Variants in PTK2 observed in about 807,000 individuals in gnomAD.
The protein encoded by PTK2 is protein tyrosine kinase 2.
Under a neutral mutation model 150.1 loss-of-function variants are expected in PTK2, and 45 were observed. That is an observed-to-expected ratio of 0.30 (90% confidence interval 0.24 to 0.38). The LOEUF is 0.38. Ranked by LOEUF, PTK2 falls within the 10% of genes least tolerant of loss-of-function variation. The pLI is 1.00. For missense variants in PTK2, 919 were observed against 1,307.3 expected (o/e 0.70, Z 4.58); for synonymous variants, 432 against 449.2 (o/e 0.96, Z 0.48).
chr8:140,938,660 C>T (rs901160836), intron 1 of PTK2, among the ~76,000 whole-genome samples: 2 of 152,188 alleles, frequency 1.3e-5, no homozygotes, highest in Non-Finnish European at 2.9e-5. Context: ...TGGTACAAAA[C>T]AAAGAGCTTC....
intron 1 of PTK2, among the ~76,000 whole-genome samples, chr8:141,000,015 GAA>G (rs36146347): frequency 3.7e-4 from 46 of 124,912 alleles, no homozygotes; most frequent in South Asian, 7.5e-4. Context: ...AAATGACTCG[GAA>G]AAAAAAAAAA....
intron 1 of PTK2, among the ~76,000 whole-genome samples, chr8:140,993,364 C>T (rs1400160112): frequency 6.6e-6 from 1 of 152,150 alleles, no homozygotes; most frequent in African/African-American, 2.4e-5. Flanking sequence ...AAACAGTAAA[C>T]ACCTGGCTGA....
chr8:140,745,141 A>G (rs939496270), intron 18 of PTK2, among the ~76,000 whole-genome samples: 6 of 152,246 alleles, frequency 3.9e-5, no homozygotes, highest in African/African-American at 1.4e-4. Context: ...ATACACAGTC[A>G]GTTATCTCCA....
intron 1 of PTK2, among the ~76,000 whole-genome samples, chr8:140,952,847 A>G (rs1048121453): frequency 1.3e-5 from 2 of 152,216 alleles, no homozygotes; most frequent in African/African-American, 4.8e-5. Flanking sequence ...ACATGCACCA[A>G]GATCTACAAG....
chr8:140,763,321 A>G (rs1472615765), intron 15 of PTK2, among the ~76,000 whole-genome samples: 5 of 152,222 alleles, frequency 3.3e-5, no homozygotes, highest in African/African-American at 1.2e-4. Context: ...GAATATTTAT[A>G]CTATAGAATA....
At chr8:140,732,491 T>G in intron 22 of PTK2, 1 of 509,398 alleles carries the variant, frequency 2.0e-6, no homozygotes, top group South Asian at 1.5e-5. Context: ...TTCTAAGCCT[T>G]GAATTCAGTG....
At chr8:140,920,404 T>C (rs561575542) in intron 2 of PTK2, among the ~76,000 whole-genome samples, 5 of 152,296 alleles carry the variant, frequency 3.3e-5, no homozygotes, top group Non-Finnish European at 7.4e-5. Context: ...ATACAATCTT[T>C]ACAGTGAGTA....
rs377253964 is a variant in PTK2 at position 140,744,225 on chromosome 8, T to G, written c.1634+427A>C. Among the ~76,000 whole-genome samples, 6 of 152,174 alleles carry G rather than the reference T, an allele frequency of 3.9e-5. No homozygotes were observed. In the East Asian group the frequency reaches 7.7e-4, roughly 20 times the overall value. Reference sequence around the variant, plus strand: ...GGCTATAAACAGAAATTCCACAGAATGCCAACAGATGTCACTCATAAGGTT... The same window carrying G: ...GGCTATAAACAGAAATTCCACAGAAGGCCAACAGATGTCACTCATAAGGTT... On this transcript the variant is annotated intron_variant, in intron 19 of 31. Transcript: ENST00000522684.
chr8:140,962,916 CT>C (rs2100183878), intron 1 of PTK2, among the ~76,000 whole-genome samples: 1 of 151,904 alleles, frequency 6.6e-6, no homozygotes, highest in South Asian at 2.1e-4. Flanking sequence ...TCTGCTTGCC[CT>C]TTAAGTGCTC....
chr8:140,703,804 C>A (rs2100032139), intron 24 of PTK2, among the ~76,000 whole-genome samples: 1 of 152,142 alleles, frequency 6.6e-6, no homozygotes, highest in African/African-American at 2.4e-5. Flanking sequence ...TTCTCTCAAT[C>A]AAGAGAAAGA....
intron 22 of PTK2, among the ~76,000 whole-genome samples, chr8:140,723,074 T>A (rs775506242): frequency 4.6e-5 from 7 of 152,194 alleles, no homozygotes; most frequent in Non-Finnish European, 1.5e-5. Flanking sequence ...TCAGGCTCCA[T>A]CTGCCCTGAT....
At chr8:140,806,943 G>A (rs1161171647) in intron 10 of PTK2, among the ~76,000 whole-genome samples, 1 of 152,126 alleles carries the variant, frequency 6.6e-6, no homozygotes, top group African/African-American at 2.4e-5. Context: ...CCCTACTATA[G>A]CCCTTTAGCA....
At chr8:140,871,734 T>C (rs555254331) in intron 4 of PTK2, among the ~76,000 whole-genome samples, 7 of 152,238 alleles carry the variant, frequency 4.6e-5, no homozygotes, top group African/African-American at 1.4e-4. Context: ...TAAAAATTAG[T>C]TGAGTGTGAT....
chr8:140,686,933 G>A (rs2100020267), intron 26 of PTK2: 1 of 496,478 alleles, frequency 2.0e-6, no homozygotes, highest in African/African-American at 1.9e-5. Flanking sequence ...GGCCCACCCA[G>A]TGCTGGAGAA....
At chr8:140,764,369 A>C (rs777840369) in intron 14 of PTK2, 79 bp from the exon 17 acceptor site, 1 of 1,108,642 alleles carries the variant, frequency 9.0e-7, no homozygotes, top group South Asian at 1.3e-5. Flanking sequence ...AAGTAGGCAA[A>C]GCGATCTGCT....
chr8:140,779,028 A>ATAATTCCTGGCACTTTG (rs2100080091), intron 14 of PTK2, among the ~76,000 whole-genome samples: 1 of 152,080 alleles, frequency 6.6e-6, no homozygotes, highest in Non-Finnish European at 1.5e-5. Flanking sequence ...TGGGAGGCCA[A>ATAATTCCTGGCACTTTG]GGAGGGCAGA....
intron 11 of PTK2, among the ~76,000 whole-genome samples, chr8:140,801,912 G>T (rs2100095279): frequency 6.6e-6 from 1 of 152,026 alleles, no homozygotes; most frequent in Non-Finnish European, 1.5e-5. Flanking sequence ...TCCTGAAGTT[G>T]TAATGCTCAT....
chr8:140,997,530 C>T (rs1320292733), intron 1 of PTK2, among the ~76,000 whole-genome samples: 1 of 152,248 alleles, frequency 6.6e-6, no homozygotes, highest in Admixed American at 6.5e-5. Context: ...ACATCTCAGC[C>T]TTCAGCAACC....
chr8:140,977,901 T>A (rs13268565), intron 1 of PTK2, among the ~76,000 whole-genome samples: 67,403 of 151,950 alleles, frequency 0.44, 16,147 homozygotes, highest in Non-Finnish European at 0.55. Flanking sequence ...TGGTACCAAA[T>A]CAGAGATATA....
Sources: allele counts gnomAD v4.1 joint callset (sites outside exome capture counted in the v4.1 genomes callset), GRCh38; gene constraint gnomAD v4.1.1; transcripts MANE v1.5; gene names NCBI Gene and HGNC (gene_info 2026-07-23, HGNC 2026-07-21).